Variants in PTPRE observed in about 807,000 individuals in gnomAD.
PTPRE encodes receptor-type tyrosine-protein phosphatase epsilon.
Under a neutral mutation model 102.0 loss-of-function variants are expected in PTPRE, and 51 were observed. That is an observed-to-expected ratio of 0.50 (90% CI 0.40 to 0.63). PTPRE has a LOEUF of 0.63. PTPRE is among the 30% of genes least tolerant of loss of function. PTPRE has a pLI of 0.00. For missense variants in PTPRE, 752 were observed against 915.1 expected, an observed-to-expected ratio of 0.82 and a Z score of 2.30; for synonymous variants, 345 against 348.2, an observed-to-expected ratio of 0.99 and a Z score of 0.10.
At chr10:127,984,560 C>T (rs1851923654) in intron 2 of PTPRE, among the ~76,000 whole-genome samples, 1 of 152,176 alleles carries the variant, frequency 6.6e-6, no homozygotes, top group African/African-American at 2.4e-5. Flanking sequence ...CCCACTGGGC[C>T]ACTGATATGG....
intron 1 of PTPRE, among the ~76,000 whole-genome samples, chr10:127,940,333 G>C (rs1848151597): frequency 6.6e-6 from 1 of 152,138 alleles, no homozygotes; most frequent in African/African-American, 2.4e-5. Flanking sequence ...CAGTGAATGA[G>C]GGTTCTACCA....
At chr10:127,984,841 G>A (rs546176423) in intron 2 of PTPRE, among the ~76,000 whole-genome samples, 39 of 152,282 alleles carry the variant, frequency 2.6e-4, no homozygotes, top group African/African-American at 9.1e-4. Context: ...AGTCCGATAG[G>A]CCTCTTTCTT....
intron 11 of PTPRE, among the ~76,000 whole-genome samples, chr10:128,067,345 CATT>C (rs1590211051): frequency 1.1e-3 from 168 of 150,452 alleles, no homozygotes; most frequent in South Asian, 2.1e-3. Context: ...CATCCACACA[CATT>C]CACACACGCA....
intron 5 of PTPRE, among the ~76,000 whole-genome samples, chr10:128,048,343 T>C (rs2135847839): frequency 6.6e-6 from 1 of 152,344 alleles, no homozygotes; most frequent in African/African-American, 2.4e-5. Context: ...CAAAGGAACA[T>C]TGTTTTTCTC....
chr10:127,925,144 G>C (rs1177218468), intron 1 of PTPRE, among the ~76,000 whole-genome samples: 1 of 152,232 alleles, frequency 6.6e-6, no homozygotes, highest in Non-Finnish European at 1.5e-5. Context: ...TGTTGGCCAT[G>C]GACAGGAGGC....
At position 128,070,385 on chromosome 10, in the gene PTPRE, C is replaced by A; in HGVS notation, c.1228C>A (p.His410Asn). The A allele has an allele frequency of 6.2e-7, 1 of 1,614,174 alleles. No individual in the cohort carries two copies. Among genetic ancestry groups the A allele is most frequent in the Non-Finnish European group, 8.5e-7 (1 of 1,180,014 alleles). ...TELDVSSLEK[H>N]LQTMHGTTTH... The stretch of plus-strand genomic sequence containing the variant: ...GCTGGACGTGTCCTCCCTGGAGAAG[C>A]ACCTGCAGACCATGCACGGCACCAC... The change falls in exon 14 of 21, where the codon CAC becomes AAC. Residue 410 changes from histidine to asparagine, a missense_variant. By Grantham distance (68) the His-to-Asn change is moderately conservative. Coordinates refer to ENST00000254667, the MANE Select transcript of PTPRE (RefSeq NM_006504.6). The surrounding 1 kb of genome is among the most constrained non-coding windows in gnomAD (Gnocchi z 4.8).
intron 2 of PTPRE, among the ~76,000 whole-genome samples, chr10:127,983,026 T>C (rs909356642): frequency 1.3e-5 from 2 of 152,228 alleles, no homozygotes; most frequent in African/African-American, 4.8e-5. Flanking sequence ...GCGGGCACCA[T>C]GATACCGGTC....
At chr10:128,021,175 G>A (rs1400504169) in intron 2 of PTPRE, among the ~76,000 whole-genome samples, 2 of 152,152 alleles carry the variant, frequency 1.3e-5, no homozygotes, top group Non-Finnish European at 1.5e-5. Flanking sequence ...GACTACAGAC[G>A]CGAGCCACCG....
At position 127,907,318 on chromosome 10, in the gene PTPRE, G is replaced by C. The variant is rs1012983496; in HGVS notation, c.-31+9G>C. ...AGACCGGCCCCCCCGAGGTGAGCGC[G>C]CGTGCGGACAGGGACCCTGCGCCCC... On this transcript the variant is annotated intron_variant, in intron 1 of 20. Transcript: ENST00000254667. This position sits in a 1 kb window ranked among gnomAD's most constrained non-coding sequence, Gnocchi z 4.8. 3 of 984,654 alleles carry C rather than the reference G, an allele frequency of 3.0e-6. No individual in the cohort carries two copies. In the African/African-American group the frequency reaches 5.2e-5, roughly 17 times the overall value. The allele number at this position is 984,654 out of a possible 1,614,324, so 61.0% of individuals were successfully genotyped here. A position where few individuals can be genotyped will look rare whatever the true frequency, so the allele number is the denominator to read the frequency against.
chr10:127,917,817 G>A (rs1383458089), intron 1 of PTPRE, among the ~76,000 whole-genome samples: 1 of 152,040 alleles, frequency 6.6e-6, no homozygotes, highest in Non-Finnish European at 1.5e-5. Context: ...ATCACATGAG[G>A]TCAGGAGTTC....
chr10:127,910,125 G>A (rs1845768137), intron 1 of PTPRE, among the ~76,000 whole-genome samples: 1 of 152,198 alleles, frequency 6.6e-6, no homozygotes, highest in African/African-American at 2.4e-5. Context: ...ATCCATTAGG[G>A]TAAAGACTGG....
Position 128,056,575 on chromosome 10 carries a change from G to T in PTPRE, c.511+362G>T, listed in dbSNP as rs536209242. Among the ~76,000 whole-genome samples, 25 of 152,332 alleles carry T rather than the reference G, an allele frequency of 1.6e-4. No homozygotes were observed. The East Asian group carries it at 4.4e-3, about 27-fold the overall frequency. On this transcript the variant is annotated intron_variant, in intron 7 of 20. Transcript: ENST00000254667. ...CCAGTCTAGGCCTGCCAGTGGCCCT[G>T]GGCAGCTCCCTTCCCTCAGACTCAG...
At chr10:128,065,659 C>T (rs909959407) in intron 10 of PTPRE, among the ~76,000 whole-genome samples, 7 of 152,186 alleles carry the variant, frequency 4.6e-5, no homozygotes, top group African/African-American at 1.7e-4. Context: ...GCAGGAAAAA[C>T]ACAAATTGCT....
chr10:128,064,451 C>A lies in PTPRE; in HGVS notation c.723+1271C>A, dbSNP rs149690093. ...GGGATTCCCAGCCCAGGACTCTTCA[C>A]TCTGCCTGCGCTGTAGCGGCCATGG... is the stretch of plus-strand genomic sequence containing the variant. On this transcript the variant is annotated intron_variant, in intron 10 of 20. Coordinates refer to ENST00000254667, the MANE Select transcript of PTPRE (RefSeq NM_006504.6). Among the ~76,000 whole-genome samples the A allele has an allele frequency of 2.9e-4, 44 of 152,374 alleles. No individual in the cohort carries two copies. In the East Asian group the frequency reaches 8.3e-3, roughly 29 times the overall value.
At position 128,068,165 on chromosome 10, in the gene PTPRE, C is replaced by T. The variant is rs2136007119; in HGVS notation, c.886C>T (p.Leu296=). 1.2e-6 allele frequency: 2 copies of T among 1,614,148 alleles called. No individual in the cohort carries two copies. Among genetic ancestry groups the T allele is most frequent in the Non-Finnish European group, 1.7e-6 (2 of 1,179,990 alleles). ...GCKAPRLVSQ[L]HFTSWPDFGV... The stretch of plus-strand genomic sequence containing the variant: ...CAAAGCCCCCAGGCTGGTCTCACAG[C>T]TGCACTTCACCAGCTGGCCCGACTT... Residue 296 remains leucine (L), a synonymous_variant, in exon 12 of 21, where the codon CTG becomes TTG. Transcript: ENST00000254667.
chr10:127,985,541 G>T (rs558164198), intron 2 of PTPRE, among the ~76,000 whole-genome samples: 1 of 151,984 alleles, frequency 6.6e-6, no homozygotes, highest in South Asian at 2.1e-4. Flanking sequence ...CCAGGATTGT[G>T]CCACTGCACT....
intron 2 of PTPRE, among the ~76,000 whole-genome samples, chr10:128,025,974 A>G (rs1173831889): frequency 1.3e-5 from 2 of 152,208 alleles, no homozygotes; most frequent in African/African-American, 2.4e-5. Flanking sequence ...AGAGCCAGGT[A>G]CTTCCAGAAG....
chr10:127,920,867 G>C (rs1022686564), intron 1 of PTPRE, among the ~76,000 whole-genome samples: 3 of 152,248 alleles, frequency 2.0e-5, no homozygotes, highest in Non-Finnish European at 2.9e-5. Context: ...GACAGACTCA[G>C]TCCTGTGGGG....
chr10:127,909,963 C>T (rs1845756261), intron 1 of PTPRE, among the ~76,000 whole-genome samples: 2 of 152,290 alleles, frequency 1.3e-5, no homozygotes, highest in South Asian at 2.1e-4. Flanking sequence ...GGACCAGAGA[C>T]ACCCCAAGTG....
Sources: allele counts gnomAD v4.1 joint callset (sites outside exome capture counted in the v4.1 genomes callset), GRCh38; gene constraint gnomAD v4.1.1; non-coding constraint Gnocchi (gnomAD v3.1); transcripts MANE v1.5; gene names NCBI Gene and HGNC (gene_info 2026-07-23, HGNC 2026-07-21).